DAB1: variants seen among roughly 807,000 people sequenced by gnomAD.
DAB1 encodes the protein DAB adaptor protein 1.
Under a neutral mutation model 64.6 loss-of-function variants are expected in DAB1, and 15 were observed. That is an observed-to-expected ratio of 0.23 (90% CI 0.16 to 0.36). The LOEUF (loss-of-function observed/expected upper bound fraction) is 0.36. Among genes scored for constraint, DAB1 ranks in the 10% least tolerant of loss-of-function variants. DAB1 has a pLI of 1.00. For synonymous variants in DAB1, 235 were observed against 251.9 expected (o/e 0.93, Z 0.64); for missense variants, 596 against 706.7 (o/e 0.84, Z 1.78).
chr1:58,434,598 G>A (rs1471020310), intron 3 of DAB1, among the ~76,000 whole-genome samples: 4 of 152,110 alleles, frequency 2.6e-5, no homozygotes, highest in Non-Finnish European at 5.9e-5. Flanking sequence ...GATCTGAGTG[G>A]GAGACATAAA....
intron 4 of DAB1, among the ~76,000 whole-genome samples, chr1:58,245,007 G>GTTTTCTAGC (rs1660465623): frequency 6.6e-6 from 1 of 152,116 alleles, no homozygotes; most frequent in Non-Finnish European, 1.5e-5. Context: ...ATGTCATCAG[G>GTTTTCTAGC]TTTTCTAGCA....
intron 12 of DAB1, among the ~76,000 whole-genome samples, chr1:57,014,642 C>T (rs950032292): frequency 1.3e-5 from 2 of 152,118 alleles, no homozygotes; most frequent in African/African-American, 2.4e-5. Context: ...ACAGGTCTAA[C>T]AAAATTTATC....
chr1:57,664,607 T>G (rs1646425365), intron 6 of DAB1, among the ~76,000 whole-genome samples: 1 of 152,162 alleles, frequency 6.6e-6, no homozygotes, highest in Admixed American at 6.5e-5. Flanking sequence ...TTAGGGAACT[T>G]CATCCTAAGG....
At chr1:57,253,606 C>A (rs185193776) in intron 2 of DAB1, among the ~76,000 whole-genome samples, 2 of 152,256 alleles carry the variant, frequency 1.3e-5, no homozygotes, top group Admixed American at 1.3e-4. Context: ...TTCAAAACCA[C>A]CACAAAATAA....
In DAB1 at chr1:57,740,813, A is replaced by G. The variant is rs1403427151; in HGVS notation, n.552-91148T>C. Reference sequence around the variant, plus strand: ...TAAAAAACTGGCAGAGAAGTAAGAAATCTCCCCTTTTGTGTGGATTTTATG... The same window carrying G: ...TAAAAAACTGGCAGAGAAGTAAGAAGTCTCCCCTTTTGTGTGGATTTTATG... On this transcript the variant is annotated intron_variant and non_coding_transcript_variant, in intron 6 of 20. Transcript: ENST00000485760. Among the ~76,000 whole-genome samples the G allele has an allele frequency of 3.9e-5, 6 of 152,266 alleles. No homozygotes were observed. The East Asian group carries it at 1.2e-3, about 29-fold the overall frequency.
chr1:57,230,658 G>T (rs973752101), intron 2 of DAB1, among the ~76,000 whole-genome samples: 1 of 92,476 alleles, frequency 1.1e-5, no homozygotes, highest in Non-Finnish European at 2.7e-5. Context: ...TACATATTTT[G>T]AGGGTACATG....
At chr1:57,804,213 G>A (rs919944432) in intron 6 of DAB1, among the ~76,000 whole-genome samples, 1 of 152,148 alleles carries the variant, frequency 6.6e-6, no homozygotes, top group Non-Finnish European at 1.5e-5. Flanking sequence ...TGAGATTCAC[G>A]GTTGGGAGGT....
At chr1:58,306,372 A>T (rs1294024785) in intron 4 of DAB1, among the ~76,000 whole-genome samples, 5 of 152,212 alleles carry the variant, frequency 3.3e-5, no homozygotes, top group Non-Finnish European at 5.9e-5. Context: ...GACATTTAAC[A>T]GTATGTTAAA....
chr1:57,778,715 A>G (rs963413908), intron 6 of DAB1, among the ~76,000 whole-genome samples: 4 of 152,136 alleles, frequency 2.6e-5, no homozygotes, highest in African/African-American at 7.2e-5. Context: ...TTCTTCTTAC[A>G]TCAATTTACC....
At chr1:58,526,018 C>A (rs566390519) in intron 2 of DAB1, among the ~76,000 whole-genome samples, 1 of 152,010 alleles carries the variant, frequency 6.6e-6, no homozygotes, top group African/African-American at 2.4e-5. Flanking sequence ...AAAGATGTTG[C>A]CCTCTTCCTC....
intron 3 of DAB1, 92 bp downstream of exon 3, chr1:57,145,198 G>T: frequency 7.7e-7 from 1 of 1,292,698 alleles, no homozygotes; most frequent in Non-Finnish European, 1.1e-6. Context: ...ACCAATAAAT[G>T]AATAAAGTTA....
intron 3 of DAB1, among the ~76,000 whole-genome samples, chr1:58,361,863 C>CTTTTTTTTTTTTTTTTTTTTTTTTTTTT (rs34029239): frequency 1.2e-5 from 1 of 84,022 alleles, no homozygotes; most frequent in Non-Finnish European, 2.1e-5. Flanking sequence ...AAAGATCCCC[C>CTTTTTTTTTTTTTTTTTTTTTTTTTTTT]TTTTTTTTTT....
intron 7 of DAB1, among the ~76,000 whole-genome samples, chr1:57,508,834 A>G (rs1012718230): frequency 3.3e-5 from 5 of 152,156 alleles, no homozygotes; most frequent in Admixed American, 3.3e-4. Context: ...GTGTGTATGA[A>G]TATTTATATA....
intron 1 of DAB1, among the ~76,000 whole-genome samples, chr1:58,546,468 G>A (rs997724170): frequency 2.0e-5 from 3 of 151,674 alleles, no homozygotes; most frequent in African/African-American, 7.3e-5. Context: ...GGCTCCCCCA[G>A]GACAGATCCC....
chr1:57,130,548 G>GTA (rs895182171), intron 4 of DAB1, among the ~76,000 whole-genome samples: 3 of 151,992 alleles, frequency 2.0e-5, no homozygotes, highest in Non-Finnish European at 4.4e-5. Flanking sequence ...ATAAAATGTG[G>GTA]TATATATATG....
At chr1:57,637,244 T>C (rs1303855942) in intron 7 of DAB1, among the ~76,000 whole-genome samples, 5 of 152,174 alleles carry the variant, frequency 3.3e-5, no homozygotes, top group African/African-American at 4.8e-5. Flanking sequence ...TACTTAACTA[T>C]GTGTTGGGAA....
At chr1:57,889,249 C>T (rs947819315) in intron 5 of DAB1, among the ~76,000 whole-genome samples, 8 of 152,182 alleles carry the variant, frequency 5.3e-5, no homozygotes, top group Non-Finnish European at 1.2e-4. Flanking sequence ...CAGTGTTTTC[C>T]CACTATGCTG....
At chr1:57,553,473 A>AAAGG (rs71051238) in intron 7 of DAB1, among the ~76,000 whole-genome samples, 968 of 25,650 alleles carry the variant, frequency 0.038, 45 homozygotes, top group Middle Eastern at 0.083. Context: ...AAAGGGAAAG[A>AAAGG]AAGGAAGGAA....
chr1:57,011,091 C>T, intron 13 of DAB1, 54 bp downstream of exon 13: 1 of 1,608,070 alleles, frequency 6.2e-7, no homozygotes, highest in South Asian at 1.1e-5. Context: ...ATTTCAGTTA[C>T]AGAGGTCTTA....
Sources: gnomAD v4.1 joint callset for allele counts (sites outside exome capture counted in the v4.1 genomes callset) on GRCh38, gnomAD v4.1.1 for gene constraint, MANE v1.5 for transcripts, NCBI Gene and HGNC (gene_info 2026-07-23, HGNC 2026-07-21) for gene names.